Variants in PRKCQ observed in about 807,000 individuals in gnomAD.
The protein encoded by PRKCQ is protein kinase C theta type.
Under a neutral mutation model 91.2 loss-of-function variants are expected in PRKCQ, and 41 were observed. That is an observed-to-expected ratio of 0.45 (90% confidence interval 0.35 to 0.58). PRKCQ has a LOEUF of 0.58. Among genes scored for constraint, PRKCQ ranks in the 20% least tolerant of loss-of-function variants. The pLI is 0.00. For synonymous variants in PRKCQ, 307 were observed against 316.9 expected (o/e 0.97, Z 0.33); for missense variants, 673 against 896.5 (o/e 0.75, Z 3.18).
chr10:6,441,803 C>T, intron 16 of PRKCQ, 90 bp downstream of exon 16: 3 of 1,320,034 alleles, frequency 2.3e-6, no homozygotes, highest in South Asian at 3.0e-5. Context: ...CATTGTTTGC[C>T]ACATGCAAGT....
intron 14 of PRKCQ, among the ~76,000 whole-genome samples, chr10:6,458,282 A>T (rs2132314001): frequency 6.6e-6 from 1 of 152,312 alleles, no homozygotes; most frequent in African/African-American, 2.4e-5. Context: ...AAAGGCTGCC[A>T]TGTGAAGCCA....
At chr10:6,439,379 T>C (rs1833855977) in intron 16 of PRKCQ, among the ~76,000 whole-genome samples, 1 of 152,218 alleles carries the variant, frequency 6.6e-6, no homozygotes, top group Non-Finnish European at 1.5e-5. Context: ...GGACAGTGGG[T>C]AGGGCAGGTT....
chr10:6,568,643 A>G (rs904651516), intron 1 of PRKCQ, among the ~76,000 whole-genome samples: 1 of 151,808 alleles, frequency 6.6e-6, no homozygotes, highest in Non-Finnish European at 1.5e-5. Flanking sequence ...GACTACAGGC[A>G]CACACCACCA....
At chr10:6,419,043 A>G in the PRKCQ span, among the ~76,000 whole-genome samples, 2 of 151,324 alleles carry the variant, frequency 1.3e-5, no homozygotes, top group East Asian at 3.9e-4. Flanking sequence ...CCTATCATCC[A>G]TCTATCTCTA....
At chr10:6,403,731 G>A in the PRKCQ span, among the ~76,000 whole-genome samples, 1 of 152,252 alleles carries the variant, frequency 6.6e-6, no homozygotes, top group Non-Finnish European at 1.5e-5. Flanking sequence ...CTATTGAAAT[G>A]GAGACAGCTA....
chr10:6,563,992 T>C (rs537110014), intron 1 of PRKCQ, among the ~76,000 whole-genome samples: 4 of 152,230 alleles, frequency 2.6e-5, no homozygotes, highest in East Asian at 1.9e-4. Context: ...AAAGTAACGA[T>C]GTGAGCGTGA....
chr10:6,433,968 T>C (rs547301240), intron 16 of PRKCQ, among the ~76,000 whole-genome samples: 26 of 146,206 alleles, frequency 1.8e-4, no homozygotes, highest in African/African-American at 6.3e-4. Flanking sequence ...GAGGTGGAGG[T>C]TGCAGTGAGC....
rs1486223176 is a variant in PRKCQ at position 6,530,192 on chromosome 10, G to A, written c.-9-15048C>T. Reference sequence around the variant, plus strand: ...GGGCGCGGTCAGAGAAGGAGCCTTCGAGAGCCTGGGCTCCACTTTCTTAAC... The same window carrying A: ...GGGCGCGGTCAGAGAAGGAGCCTTCAAGAGCCTGGGCTCCACTTTCTTAAC... On this transcript the variant is annotated intron_variant, in intron 1 of 17. Transcript: ENST00000263125. 2.0e-5 allele frequency among the ~76,000 whole-genome samples: 3 copies of A among 152,254 alleles called. No individual in the cohort carries two copies. In the East Asian group the frequency reaches 5.8e-4, roughly 29 times the overall value.
intron 15 of PRKCQ, among the ~76,000 whole-genome samples, chr10:6,454,135 A>G (rs1834877394): frequency 6.6e-6 from 1 of 152,180 alleles, no homozygotes; most frequent in African/African-American, 2.4e-5. Flanking sequence ...GTATAACCTG[A>G]TCATATTCCT....
At chr10:6,450,878 T>G (rs966547693) in intron 15 of PRKCQ, among the ~76,000 whole-genome samples, 1 of 152,026 alleles carries the variant, frequency 6.6e-6, no homozygotes, top group Non-Finnish European at 1.5e-5. Flanking sequence ...TTGAAATCAA[T>G]GAGAACAAAG....
chr10:6,403,341 C>T, the PRKCQ span, among the ~76,000 whole-genome samples: 2 of 152,156 alleles, frequency 1.3e-5, no homozygotes, highest in Non-Finnish European at 2.9e-5. Flanking sequence ...GGAGTAGGGT[C>T]CCTTCTATTT....
intron 1 of PRKCQ, among the ~76,000 whole-genome samples, chr10:6,532,750 T>C (rs1588391850): frequency 6.6e-6 from 1 of 152,198 alleles, no homozygotes; most frequent in South Asian, 2.1e-4. Flanking sequence ...AAATAACTAA[T>C]AGGCAAGAGC....
intron 16 of PRKCQ, among the ~76,000 whole-genome samples, chr10:6,437,244 G>T (rs1306881811): frequency 1.3e-5 from 2 of 152,188 alleles, no homozygotes; most frequent in Non-Finnish European, 2.9e-5. Flanking sequence ...GCTTTATGGA[G>T]ATAATTCGGG....
At chr10:6,416,697 A>G in the PRKCQ span, among the ~76,000 whole-genome samples, 1 of 152,150 alleles carries the variant, frequency 6.6e-6, no homozygotes, top group Non-Finnish European at 1.5e-5. Context: ...TCTTTTTCAT[A>G]GAAGGACTTT....
chr10:6,527,653 T>C (rs887980577), intron 1 of PRKCQ, among the ~76,000 whole-genome samples: 1 of 152,150 alleles, frequency 6.6e-6, no homozygotes, highest in African/African-American at 2.4e-5. Flanking sequence ...GCCATTCTTT[T>C]TCCCCAGGAG....
chr10:6,569,207 G>C (rs1361859517), intron 1 of PRKCQ, among the ~76,000 whole-genome samples: 1 of 152,122 alleles, frequency 6.6e-6, no homozygotes, highest in Non-Finnish European at 1.5e-5. Flanking sequence ...AACAAAAAGA[G>C]TAAGAGAGAG....
the PRKCQ span, among the ~76,000 whole-genome samples, chr10:6,400,869 GA>G: frequency 6.6e-6 from 1 of 152,062 alleles, no homozygotes; most frequent in African/African-American, 2.4e-5. Flanking sequence ...AAGAAAGAAA[GA>G]AAAAATATTG....
intron 1 of PRKCQ, among the ~76,000 whole-genome samples, chr10:6,520,057 A>G (rs989408847): frequency 1.3e-5 from 2 of 152,154 alleles, no homozygotes; most frequent in African/African-American, 2.4e-5. Flanking sequence ...ACAACAATCT[A>G]TGCACAAGAA....
intron 16 of PRKCQ, among the ~76,000 whole-genome samples, chr10:6,435,374 C>T (rs927411436): frequency 1.2e-4 from 18 of 152,276 alleles, no homozygotes; most frequent in Admixed American, 1.0e-3. Context: ...TGAGAAAGGG[C>T]ATTACCTTTT....
Sources: allele counts gnomAD v4.1 joint callset (sites outside exome capture counted in the v4.1 genomes callset), GRCh38; gene constraint gnomAD v4.1.1; transcripts MANE v1.5; gene names NCBI Gene and HGNC (gene_info 2026-07-23, HGNC 2026-07-21).